Variants in ST3GAL3 observed in about 807,000 individuals in gnomAD.
ST3GAL3 encodes CMP-N-acetylneuraminate-beta-1,4-galactoside alpha-2,3-sialyltransferase.
In ST3GAL3, 21 loss-of-function variants were observed where a neutral mutation model predicts 50.1. The observed-to-expected ratio is 0.42, with a 90% CI of 0.30 to 0.60. The LOEUF is 0.60. Among genes scored for constraint, ST3GAL3 ranks in the 20% least tolerant of loss-of-function variants. The pLI, the probability that ST3GAL3 is intolerant of heterozygous loss-of-function variation, is 0.19. For synonymous variants in ST3GAL3, 183 were observed against 190.0 expected (o/e 0.96, Z 0.30); for missense variants, 353 against 489.4 (o/e 0.72, Z 2.63).
chr1:43,827,316 A>G (rs1003952559), intron 4 of ST3GAL3, among the ~76,000 whole-genome samples: 1 of 152,194 alleles, frequency 6.6e-6, no homozygotes, highest in African/African-American at 2.4e-5. Flanking sequence ...AATTTAAAAC[A>G]CGGTGTCATT....
chr1:43,714,569 C>T (rs1194983577), intron 1 of ST3GAL3, among the ~76,000 whole-genome samples: 1 of 152,146 alleles, frequency 6.6e-6, no homozygotes, highest in Admixed American at 6.6e-5. Context: ...CACGCCACTG[C>T]ATTCCACCCT....
intron 2 of ST3GAL3, among the ~76,000 whole-genome samples, chr1:43,761,333 G>A (rs1690256550): frequency 6.6e-6 from 1 of 151,274 alleles, no homozygotes; most frequent in Admixed American, 6.6e-5. Flanking sequence ...AGATAATTGT[G>A]GAAATATGAA....
At chr1:43,762,649 G>T (rs984612481) in intron 2 of ST3GAL3, among the ~76,000 whole-genome samples, 3 of 152,104 alleles carry the variant, frequency 2.0e-5, no homozygotes, top group Non-Finnish European at 4.4e-5. Flanking sequence ...TTGTCTGTGT[G>T]TATCTCCATA....
intron 3 of ST3GAL3, among the ~76,000 whole-genome samples, chr1:43,805,563 A>G (rs566256617): frequency 6.6e-6 from 1 of 152,340 alleles, no homozygotes; most frequent in Non-Finnish European, 1.5e-5. Context: ...CATGCCAAGC[A>G]TAGTGTTAGG....
At chr1:43,833,865 T>C (rs1026669874) in intron 4 of ST3GAL3, among the ~76,000 whole-genome samples, 19 of 152,142 alleles carry the variant, frequency 1.2e-4, no homozygotes, top group Non-Finnish European at 2.2e-4. Context: ...AAAATAGGCA[T>C]CCCTGGCCAA....
intron 2 of ST3GAL3, chr1:43,739,041 G>A (rs1206136640): frequency 1.3e-5 from 2 of 152,146 alleles, no homozygotes; most frequent in Non-Finnish European, 2.9e-5. Flanking sequence ...AGAAACTGAG[G>A]CTTCAGAGAG....
chr1:43,762,470 T>A (rs1467354876), intron 2 of ST3GAL3, among the ~76,000 whole-genome samples: 1 of 152,040 alleles, frequency 6.6e-6, no homozygotes, highest in Non-Finnish European at 1.5e-5. Context: ...CTTTTAATCT[T>A]CCCCTTTGAG....
chr1:43,850,904 T>A, intron 5 of ST3GAL3: 1 of 1,231,932 alleles, frequency 8.1e-7, no homozygotes, highest in Non-Finnish European at 1.2e-6. Context: ...ACAGAATCTC[T>A]TTGCCAGTCT....
intron 2 of ST3GAL3, among the ~76,000 whole-genome samples, chr1:43,743,173 A>AG (rs946592045): frequency 2.0e-5 from 3 of 151,204 alleles, no homozygotes; most frequent in African/African-American, 7.3e-5. Flanking sequence ...ACTCATCTGA[A>AG]GGAAAAAAAA....
chr1:43,798,326 G>A lies in ST3GAL3; in HGVS notation c.166+6177G>A, dbSNP rs185153957. 6.6e-4 allele frequency among the ~76,000 whole-genome samples: 101 copies of A among 152,170 alleles called. 1 individual carries two copies. Among genetic ancestry groups the A allele is most frequent in the African/African-American group, 2.1e-3 (88 of 41,522 alleles). ...GAGTAATCTTCCAGAAACCTAAATC[G>A]GATCCTGTCTTGTTACCACTGAAGC... On this transcript the variant is annotated intron_variant, in intron 3 of 11. Transcript: ENST00000347631.
intron 2 of ST3GAL3, among the ~76,000 whole-genome samples, chr1:43,783,910 G>T (rs941963255): frequency 6.6e-6 from 1 of 152,120 alleles, no homozygotes; most frequent in African/African-American, 2.4e-5. Context: ...ATTTCATGGT[G>T]ACTCACTTTT....
intron 5 of ST3GAL3, among the ~76,000 whole-genome samples, chr1:43,877,217 G>A (rs917347297): frequency 5.3e-5 from 8 of 152,176 alleles, no homozygotes; most frequent in Non-Finnish European, 1.0e-4. Flanking sequence ...TTTTCCTGTA[G>A]GAACAGAGTC....
intron 1 of ST3GAL3, among the ~76,000 whole-genome samples, chr1:43,727,788 T>G (rs1053145564): frequency 6.6e-6 from 1 of 152,224 alleles, no homozygotes; most frequent in Non-Finnish European, 1.5e-5. Flanking sequence ...TCAAAAATTT[T>G]TTTTTTCTCC....
At chr1:43,804,972 C>A (rs545606908) in intron 3 of ST3GAL3, among the ~76,000 whole-genome samples, 2 of 152,294 alleles carry the variant, frequency 1.3e-5, no homozygotes, top group African/African-American at 4.8e-5. Context: ...CTCTTCCATC[C>A]ATTCAGTACA....
At chr1:43,901,753 AGG>A (rs1469739050) in intron 9 of ST3GAL3, among the ~76,000 whole-genome samples, 1 of 152,154 alleles carries the variant, frequency 6.6e-6, no homozygotes, top group African/African-American at 2.4e-5. Context: ...GGCCACACCC[AGG>A]GCTCTAGGAC....
chr1:43,843,686 C>T (rs2065786630), intron 5 of ST3GAL3, among the ~76,000 whole-genome samples: 1 of 152,142 alleles, frequency 6.6e-6, no homozygotes, highest in Admixed American at 6.5e-5. Flanking sequence ...TAGAATTCAC[C>T]AGCAAAATCT....
chr1:43,723,804 G>T (rs983730108), intron 1 of ST3GAL3, among the ~76,000 whole-genome samples: 1 of 151,268 alleles, frequency 6.6e-6, no homozygotes, highest in Non-Finnish European at 1.5e-5. Context: ...TAGAGATGAG[G>T]TTTCACCATA....
intron 2 of ST3GAL3, among the ~76,000 whole-genome samples, chr1:43,773,090 C>T (rs1343971486): frequency 1.3e-5 from 2 of 152,086 alleles, no homozygotes. Flanking sequence ...TTATGAATTT[C>T]CTAGTTAGTT....
chr1:43,770,325 G>A (rs1210514501), intron 2 of ST3GAL3, among the ~76,000 whole-genome samples: 1 of 151,734 alleles, frequency 6.6e-6, no homozygotes, highest in Non-Finnish European at 1.5e-5. Flanking sequence ...CCAGTGGACG[G>A]GCCTCAAGTT....
Sources: gnomAD v4.1 joint callset for allele counts (sites outside exome capture counted in the v4.1 genomes callset) on GRCh38, gnomAD v4.1.1 for gene constraint, MANE v1.5 for transcripts, NCBI Gene and HGNC (gene_info 2026-07-23, HGNC 2026-07-21) for gene names.